The following NBAS variants were observed in gnomAD, a reference collection of about 807,000 sequenced individuals.
NBAS encodes the protein NAG/BC035112 fusion.
A neutral mutation model predicts 302.5 loss-of-function variants in NBAS; 219 were observed. That is an observed-to-expected ratio of 0.72 (90% CI 0.65 to 0.81). The LOEUF is 0.81. NBAS is among the 30% of genes least tolerant of loss of function. NBAS has a pLI of 0.00. For synonymous variants in NBAS, 1,118 were observed against 1,021.6 expected (o/e 1.09, Z -1.80); for missense variants, 2,932 against 2,841.6 (o/e 1.03, Z -0.72).
the NBAS span, among the ~76,000 whole-genome samples, chr2:15,024,401 A>T: frequency 6.6e-6 from 1 of 152,086 alleles, no homozygotes; most frequent in African/African-American, 2.4e-5. Flanking sequence ...GGTTGATTCC[A>T]TGTCTTTGTG....
At chr2:15,434,184 G>C (rs1677897428) in intron 21 of NBAS, among the ~76,000 whole-genome samples, 1 of 151,972 alleles carries the variant, frequency 6.6e-6, no homozygotes, top group Non-Finnish European at 1.5e-5. Flanking sequence ...AACTCAGAAA[G>C]GCTGCTCTAT....
the NBAS span, among the ~76,000 whole-genome samples, chr2:14,838,014 A>G: frequency 6.6e-6 from 1 of 151,856 alleles, no homozygotes; most frequent in Non-Finnish European, 1.5e-5. Flanking sequence ...CACATTTAAG[A>G]TATCACTTAG....
At chr2:15,117,982 G>A in the NBAS span, among the ~76,000 whole-genome samples, 4 of 152,250 alleles carry the variant, frequency 2.6e-5, no homozygotes, top group Admixed American at 2.0e-4. Flanking sequence ...GCTGCAAGGA[G>A]GAAAAGCAGG....
chr2:15,236,718 C>T lies in NBAS; in HGVS notation c.5943+1750G>A, dbSNP rs531371491. ...CTTTTCCTTGAAGATTGTAATTTTA[C>T]TCTACTTCTCCTAATTATGAACTGT... On this transcript the variant is annotated intron_variant, in intron 45 of 51. Coordinates refer to ENST00000281513, the MANE Select transcript of NBAS (RefSeq NM_015909.4). 4.0e-5 allele frequency among the ~76,000 whole-genome samples: 6 copies of T among 151,790 alleles called. No homozygotes were observed. In the South Asian group the frequency reaches 1.3e-3, roughly 32 times the overall value.
At chr2:14,826,999 A>G in the NBAS span, among the ~76,000 whole-genome samples, 1 of 152,248 alleles carries the variant, frequency 6.6e-6, no homozygotes, top group Non-Finnish European at 1.5e-5. Flanking sequence ...TCTATAGGTT[A>G]AAGGTCACAT....
intron 45 of NBAS, among the ~76,000 whole-genome samples, chr2:15,236,194 T>C (rs1667583976): frequency 6.6e-6 from 1 of 152,130 alleles, no homozygotes; most frequent in Admixed American, 6.6e-5. Flanking sequence ...CTTTGCATCA[T>C]ATCTTAGATG....
At chr2:15,036,184 G>T in the NBAS span, among the ~76,000 whole-genome samples, 6 of 152,050 alleles carry the variant, frequency 3.9e-5, no homozygotes, top group Non-Finnish European at 4.4e-5. Flanking sequence ...ATGGTATCTT[G>T]TCTTAATTTG....
intron 48 of NBAS, among the ~76,000 whole-genome samples, chr2:15,197,718 T>C (rs977545740): frequency 6.6e-6 from 1 of 152,182 alleles, no homozygotes; most frequent in Non-Finnish European, 1.5e-5. Context: ...TAATGGTACT[T>C]CCTCCCATTA....
At chr2:15,135,627 G>C in the NBAS span, among the ~76,000 whole-genome samples, 1 of 152,204 alleles carries the variant, frequency 6.6e-6, no homozygotes, top group South Asian at 2.1e-4. Context: ...AGTTATCCGG[G>C]AACCGTTGAA....
chr2:14,938,207 T>C, the NBAS span, among the ~76,000 whole-genome samples: 1 of 152,160 alleles, frequency 6.6e-6, no homozygotes, highest in Admixed American at 6.5e-5. Context: ...ATTATATAAA[T>C]GTTAGCTGGT....
intron 12 of NBAS, among the ~76,000 whole-genome samples, chr2:15,488,127 C>G (rs1680711008): frequency 6.6e-6 from 1 of 152,258 alleles, no homozygotes; most frequent in East Asian, 1.9e-4. Context: ...TCTCAAACCA[C>G]CCACCCAAAG....
At chr2:15,519,516 T>C (rs546890374) in intron 9 of NBAS, among the ~76,000 whole-genome samples, 7 of 152,100 alleles carry the variant, frequency 4.6e-5, no homozygotes, top group Non-Finnish European at 1.0e-4. Flanking sequence ...CACAGCTCAC[T>C]GCAGTGTACC....
the NBAS span, among the ~76,000 whole-genome samples, chr2:14,973,631 GCAAAGGA>G: frequency 6.6e-6 from 1 of 152,076 alleles, no homozygotes; most frequent in African/African-American, 2.4e-5. Context: ...AAAATCAAAG[GCAAAGGA>G]AAATGAACAA....
intron 6 of NBAS, among the ~76,000 whole-genome samples, chr2:15,546,903 C>A (rs1485432141): frequency 6.6e-6 from 1 of 152,186 alleles, no homozygotes. Flanking sequence ...GCCCACCCAG[C>A]CACTGGAGGG....
the NBAS span, among the ~76,000 whole-genome samples, chr2:15,132,899 T>C: frequency 6.6e-6 from 1 of 151,198 alleles, no homozygotes; most frequent in Non-Finnish European, 1.5e-5. Context: ...TTGTTAGCCA[T>C]GGTTGCCTCT....
At chr2:15,065,728 TA>T in the NBAS span, among the ~76,000 whole-genome samples, 1 of 151,258 alleles carries the variant, frequency 6.6e-6, no homozygotes, top group African/African-American at 2.4e-5. Context: ...CACATTGATT[TA>T]AAAAAAAATT....
chr2:15,544,934 C>A (rs1328547159), intron 6 of NBAS, among the ~76,000 whole-genome samples: 2 of 152,026 alleles, frequency 1.3e-5, no homozygotes, highest in Non-Finnish European at 2.9e-5. Context: ...CTGCTTGAAC[C>A]CAGGAGGTGG....
the NBAS span, among the ~76,000 whole-genome samples, chr2:15,043,356 T>G: frequency 6.6e-6 from 1 of 152,182 alleles, no homozygotes; most frequent in African/African-American, 2.4e-5. Context: ...GCTGTGCCAC[T>G]TCCATTATCC....
At chr2:14,981,576 A>G in the NBAS span, among the ~76,000 whole-genome samples, 1 of 152,218 alleles carries the variant, frequency 6.6e-6, no homozygotes, top group Non-Finnish European at 1.5e-5. Flanking sequence ...CCAGCCAGGG[A>G]CTACTCTTCC....
Sources: allele counts gnomAD v4.1 joint callset (sites outside exome capture counted in the v4.1 genomes callset), GRCh38; gene constraint gnomAD v4.1.1; transcripts MANE v1.5; gene names NCBI Gene and HGNC (gene_info 2026-07-23, HGNC 2026-07-21).